PRMT3: variants seen among roughly 807,000 people sequenced by gnomAD.
The protein encoded by PRMT3 is protein arginine methyltransferase 3.
PRMT3 carries 62 observed loss-of-function variants against 71.9 expected under a neutral mutation model. That is an observed-to-expected ratio of 0.86 (90% CI 0.70 to 1.07). The LOEUF is 1.07. PRMT3 is among the 50% of genes least tolerant of loss of function. The pLI, the probability that PRMT3 is intolerant of heterozygous loss-of-function variation, is 0.00. For missense variants in PRMT3, 663 were observed against 643.0 expected, an observed-to-expected ratio of 1.03 and a Z score of -0.34; for synonymous variants, 213 against 220.4, an observed-to-expected ratio of 0.97 and a Z score of 0.30.
chr11:20,389,653 T>TAAAA, intron 2 of PRMT3, 91 bp from the exon 3 acceptor site: 7 of 662,362 alleles, frequency 1.1e-5, no homozygotes, highest in Middle Eastern at 2.8e-4. Flanking sequence ...CCAGCAGAGT[T>TAAAA]AAAAAAAAAA....
intron 10 of PRMT3, among the ~76,000 whole-genome samples, chr11:20,441,261 CTTTT>C (rs1247185224): frequency 2.8e-4 from 39 of 141,046 alleles, no homozygotes; most frequent in South Asian, 6.9e-4. Context: ...ATGTTACTAA[CTTTT>C]TATTTATTTA....
At chr11:20,388,893 G>C (rs573126557) in intron 2 of PRMT3, among the ~76,000 whole-genome samples, 10 of 152,338 alleles carry the variant, frequency 6.6e-5, no homozygotes, top group African/African-American at 1.7e-4. Flanking sequence ...GCATTGGCCG[G>C]TGTTACTTTA....
chr11:20,416,465 T>C (rs750092224), intron 9 of PRMT3, among the ~76,000 whole-genome samples: 1 of 152,106 alleles, frequency 6.6e-6, no homozygotes, highest in Non-Finnish European at 1.5e-5. Context: ...TTTCATTCTT[T>C]AATGTGTCCC....
chr11:20,388,172 C>T lies in PRMT3; in HGVS notation c.164+18C>T. On this transcript the variant is annotated intron_variant, in intron 2 of 15. Transcript: ENST00000331079. ...TGTAACAGGTTCGTCCGCCTCAGCG[C>T]CTGGCCTCTGCCCTAGGGTGCCCGG... is the stretch of plus-strand genomic sequence containing the variant. 1 of 1,613,736 alleles carries T rather than the reference C, an allele frequency of 6.2e-7. No homozygotes were observed. The highest frequency in any genetic ancestry group is 2.2e-5 in the East Asian group (1 of 44,856).
chr11:20,460,102 T>C (rs17232653), intron 11 of PRMT3, among the ~76,000 whole-genome samples: 11,404 of 152,262 alleles, frequency 0.075, 592 homozygotes, highest in Middle Eastern at 0.15. Context: ...GTAAATCTTA[T>C]CGTGGGCTTT....
intron 9 of PRMT3, among the ~76,000 whole-genome samples, chr11:20,426,113 A>G (rs1391160417): frequency 6.6e-6 from 1 of 152,226 alleles, no homozygotes; most frequent in Admixed American, 6.5e-5. Context: ...AATGAGTGCC[A>G]CTGGTCAAGG....
intron 10 of PRMT3, among the ~76,000 whole-genome samples, chr11:20,429,698 T>G (rs1444009772): frequency 6.6e-6 from 1 of 152,234 alleles, no homozygotes; most frequent in African/African-American, 2.4e-5. Context: ...CTGTCTGCCT[T>G]TCCTTGTTTT....
rs199918572 is a variant in PRMT3 at position 20,464,479 on chromosome 11, C to T, written c.1280C>T (p.Thr427Met). 20 of 1,608,958 alleles carry T rather than the reference C, an allele frequency of 1.2e-5. No individual in the cohort carries two copies. In the African/African-American group the frequency reaches 2.1e-4, roughly 17 times the overall value. Reference protein sequence around the residue: ...CGIKHIDCHTTSISDLEFSSD... With the variant: ...CGIKHIDCHTMSISDLEFSSD... Reference sequence around the variant, plus strand: ...GGGTAGCATATAGATTGCCATACGACGTCTATCTCAGATTTGGAATTTTCA... The same window carrying T: ...GGGTAGCATATAGATTGCCATACGATGTCTATCTCAGATTTGGAATTTTCA... Residue 427 changes from threonine to methionine, a missense_variant, in exon 13 of 16, where the codon ACG becomes ATG. Thr to Met is a moderately conservative substitution (Grantham distance 81). Transcript: ENST00000331079.
intron 8 of PRMT3, chr11:20,405,715 A>G (rs377600014): frequency 2.2e-4 from 34 of 152,232 alleles, no homozygotes; most frequent in African/African-American, 6.8e-4. Flanking sequence ...TATACTAAAC[A>G]TATCTTTCTA....
intron 15 of PRMT3, among the ~76,000 whole-genome samples, chr11:20,500,275 A>C (rs74233019): frequency 0.047 from 7,212 of 152,310 alleles, 274 homozygotes; most frequent in East Asian, 0.2. Context: ...TAAATAATGG[A>C]GAGATATACT....
intron 6 of PRMT3, among the ~76,000 whole-genome samples, chr11:20,396,672 A>T (rs1590031196): frequency 6.6e-6 from 1 of 152,260 alleles, no homozygotes; most frequent in African/African-American, 2.4e-5. Context: ...GAATGTAATT[A>T]TGGTGTAGTA....
At chr11:20,407,633 A>G (rs10766670) in intron 8 of PRMT3, 193,443 of 229,202 alleles carry the variant, frequency 0.84, 84,455 homozygotes, top group Non-Finnish European at 0.95. Context: ...TCTTCAGTGG[A>G]TATCAGGATG....
intron 10 of PRMT3, among the ~76,000 whole-genome samples, chr11:20,446,076 C>A (rs958082161): frequency 6.6e-6 from 1 of 152,202 alleles, no homozygotes; most frequent in Middle Eastern, 3.4e-3. Flanking sequence ...CTTCAGCACT[C>A]ATGTCTGGGT....
intron 11 of PRMT3, among the ~76,000 whole-genome samples, chr11:20,454,528 C>T (rs991405471): frequency 5.9e-5 from 9 of 152,086 alleles, no homozygotes; most frequent in Non-Finnish European, 1.3e-4. Context: ...CAGCATTTAA[C>T]TCCTTAAGCA....
intron 13 of PRMT3, among the ~76,000 whole-genome samples, chr11:20,470,861 A>G (rs1302855563): frequency 6.6e-6 from 1 of 152,178 alleles, no homozygotes. Context: ...TCCACCAACC[A>G]TGTAAACAGC....
intron 6 of PRMT3, among the ~76,000 whole-genome samples, chr11:20,396,780 A>G (rs954520771): frequency 6.6e-6 from 1 of 152,194 alleles, no homozygotes; most frequent in African/African-American, 2.4e-5. Context: ...GTGCATAGGA[A>G]TCAACTGGGA....
chr11:20,478,890 C>G (rs1850862120), intron 13 of PRMT3, among the ~76,000 whole-genome samples: 1 of 152,188 alleles, frequency 6.6e-6, no homozygotes, highest in South Asian at 2.1e-4. Context: ...ATTAAATTAG[C>G]TCTTAGTACT....
At chr11:20,401,272 T>C (rs1023204092) in intron 7 of PRMT3, among the ~76,000 whole-genome samples, 5 of 152,182 alleles carry the variant, frequency 3.3e-5, no homozygotes, top group African/African-American at 1.2e-4. Context: ...TTTTGTCGTT[T>C]CTGCAAAAAT....
intron 9 of PRMT3, among the ~76,000 whole-genome samples, chr11:20,409,869 A>G (rs1359904471): frequency 6.6e-6 from 1 of 152,102 alleles, no homozygotes; most frequent in African/African-American, 2.4e-5. Context: ...CACTGTCCCA[A>G]AGAAGAGATT....
Sources: allele counts gnomAD v4.1 joint callset (sites outside exome capture counted in the v4.1 genomes callset), GRCh38; gene constraint gnomAD v4.1.1; transcripts MANE v1.5; gene names NCBI Gene and HGNC (gene_info 2026-07-23, HGNC 2026-07-21).